The following MRPL13 variants were observed in gnomAD, a reference collection of about 807,000 sequenced individuals.
MRPL13 encodes large ribosomal subunit protein uL13m.
A neutral mutation model predicts 29.0 loss-of-function variants in MRPL13; 33 were observed. That is an observed-to-expected ratio of 1.14 (90% confidence interval 0.86 to 1.52). MRPL13 has a LOEUF of 1.52. Among genes scored for constraint, MRPL13 ranks in the 40% most tolerant of loss-of-function variants. The pLI, the probability that MRPL13 is intolerant of heterozygous loss-of-function variation, is 0.00. For missense variants in MRPL13, 227 were observed against 216.7 expected, an observed-to-expected ratio of 1.05 and a Z score of -0.30; for synonymous variants, 77 against 68.4, an observed-to-expected ratio of 1.13 and a Z score of -0.62.
At chr8:120,444,366 T>A (rs1055002788) in intron 1 of MRPL13, among the ~76,000 whole-genome samples, 14 of 152,238 alleles carry the variant, frequency 9.2e-5, no homozygotes, top group African/African-American at 2.9e-4. Flanking sequence ...TGAAACCTGG[T>A]TCAATCTCAG....
At chr8:120,441,320 C>T (rs1489832516) in intron 2 of MRPL13, among the ~76,000 whole-genome samples, 7 of 152,038 alleles carry the variant, frequency 4.6e-5, no homozygotes, top group Non-Finnish European at 1.0e-4. Flanking sequence ...ATTTGGGAGG[C>T]ATTAGCATAT....
intron 2 of MRPL13, among the ~76,000 whole-genome samples, chr8:120,435,013 T>C (rs13258079): frequency 0.54 from 81,345 of 151,998 alleles, 24,788 homozygotes; most frequent in Non-Finnish European, 0.67. Flanking sequence ...ATGTTTGAGA[T>C]ACTCAGATTC....
Position 120,444,952 on chromosome 8 carries a change from T to C in MRPL13, c.27+116A>G, listed in dbSNP as rs1209871779. ...TCTTGTGCTTTCCCAAGTCACCTCT[T>C]GGCCGAGGGTCTCGGCTTCCCTGCC... On this transcript the variant is annotated intron_variant, in intron 1 of 6. Coordinates refer to ENST00000306185, the MANE Select transcript of MRPL13 (RefSeq NM_014078.6). 2.2e-6 allele frequency: 3 copies of C among 1,395,340 alleles called. No homozygotes were observed. In the East Asian group the frequency reaches 6.9e-5, roughly 32 times the overall value. The allele number at this position is 1,395,340 out of a possible 1,614,324, so 86.4% of individuals were successfully genotyped here. A position where few individuals can be genotyped will look rare whatever the true frequency, so the allele number is the denominator to read the frequency against.
chr8:120,418,642 T>C (rs1183459752), intron 5 of MRPL13, among the ~76,000 whole-genome samples: 1 of 151,866 alleles, frequency 6.6e-6, no homozygotes, highest in Non-Finnish European at 1.5e-5. Flanking sequence ...ATACTTAAAA[T>C]ATCTACACTC....
intron 1 of MRPL13, among the ~76,000 whole-genome samples, chr8:120,444,407 C>T (rs1813173259): frequency 1.3e-5 from 2 of 152,112 alleles, no homozygotes; most frequent in Non-Finnish European, 2.9e-5. Context: ...GACACACCCT[C>T]CAGTTGGACA....
intron 1 of MRPL13, among the ~76,000 whole-genome samples, chr8:120,444,569 G>T (rs2130492922): frequency 6.6e-6 from 1 of 152,192 alleles, no homozygotes; most frequent in South Asian, 2.1e-4. Flanking sequence ...GCACCATCAC[G>T]TCTCGCCTGG....
chr8:120,436,682 A>G (rs904270427), intron 2 of MRPL13, among the ~76,000 whole-genome samples: 2 of 152,160 alleles, frequency 1.3e-5, no homozygotes, highest in African/African-American at 4.8e-5. Context: ...CAGGTGATTC[A>G]GTCTTAGGCT....
chr8:120,400,730 A>G (rs1371496855), intron 6 of MRPL13, among the ~76,000 whole-genome samples: 1 of 139,134 alleles, frequency 7.2e-6, no homozygotes, highest in African/African-American at 3.0e-5. Flanking sequence ...ATAAATAAAT[A>G]AATAAATAAA....
At chr8:120,440,810 T>C (rs1437831921) in intron 2 of MRPL13, among the ~76,000 whole-genome samples, 1 of 151,814 alleles carries the variant, frequency 6.6e-6, no homozygotes, top group Non-Finnish European at 1.5e-5. Flanking sequence ...AGAAATTTCA[T>C]TTGGAAAAGA....
chr8:120,410,399 GA>G (rs1812726737), intron 6 of MRPL13, among the ~76,000 whole-genome samples: 1 of 151,960 alleles, frequency 6.6e-6, no homozygotes, highest in South Asian at 2.1e-4. Flanking sequence ...TCCAAAAGGA[GA>G]AAAAAATTTT....
intron 3 of MRPL13, among the ~76,000 whole-genome samples, chr8:120,426,301 G>C (rs1443143122): frequency 6.6e-6 from 1 of 152,034 alleles, no homozygotes; most frequent in Non-Finnish European, 1.5e-5. Context: ...TTTTCCATAT[G>C]TTCCCTTCAA....
chr8:120,442,447 C>T (rs1376618830), intron 2 of MRPL13, among the ~76,000 whole-genome samples: 2 of 152,050 alleles, frequency 1.3e-5, no homozygotes, highest in Non-Finnish European at 2.9e-5. Flanking sequence ...ATTCATTTCA[C>T]CATTATAATT....
chr8:120,422,390 G>A (rs986772110), intron 4 of MRPL13, among the ~76,000 whole-genome samples: 6 of 151,286 alleles, frequency 4.0e-5, no homozygotes, highest in South Asian at 2.1e-4. Context: ...ATAGCTAAAA[G>A]AAAAAACAAC....
intron 5 of MRPL13, among the ~76,000 whole-genome samples, chr8:120,419,028 G>A (rs755188877): frequency 3.3e-5 from 5 of 152,098 alleles, no homozygotes; most frequent in African/African-American, 1.2e-4. Context: ...CCTTCAGAAG[G>A]AACAAGAAGG....
In MRPL13 at chr8:120,396,007, A is replaced by T; in HGVS notation, c.*97T>A. 1 of 1,008,354 alleles carries T rather than the reference A, an allele frequency of 9.9e-7. No homozygotes were observed. Among genetic ancestry groups the T allele is most frequent in the Non-Finnish European group, 1.5e-6 (1 of 668,608 alleles). The allele number at this position is 1,008,354 out of a possible 1,614,324, so 62.5% of individuals were successfully genotyped here. ...ATTCGGCACATAAAACAGGTGCTGA[A>T]CTGTAGCAGTTGTTTTACTCCATCC... On this transcript the variant is annotated 3_prime_UTR_variant, in exon 7 of 7. Coordinates refer to ENST00000306185, the MANE Select transcript of MRPL13 (RefSeq NM_014078.6).
chr8:120,408,457 G>A (rs1812702974), intron 6 of MRPL13, among the ~76,000 whole-genome samples: 1 of 152,162 alleles, frequency 6.6e-6, no homozygotes, highest in Non-Finnish European at 1.5e-5. Flanking sequence ...TGCCTAATTT[G>A]AGCAAAACCC....
At chr8:120,425,851 T>C (rs556495303) in intron 3 of MRPL13, among the ~76,000 whole-genome samples, 81 of 152,256 alleles carry the variant, frequency 5.3e-4, no homozygotes, top group Non-Finnish European at 8.7e-4. Flanking sequence ...CTCTAAGTGC[T>C]ACATATTGGC....
intron 2 of MRPL13, among the ~76,000 whole-genome samples, chr8:120,441,481 A>C (rs1813123228): frequency 6.6e-6 from 1 of 152,186 alleles, no homozygotes. Context: ...TAAGAAAGGG[A>C]GAAGAAACAG....
intron 6 of MRPL13, among the ~76,000 whole-genome samples, chr8:120,397,161 GATC>G (rs2130445746): frequency 6.6e-6 from 1 of 152,260 alleles, no homozygotes; most frequent in Admixed American, 6.5e-5. Flanking sequence ...GCAGCCTGTG[GATC>G]AGGAGATACC....
Sources: gnomAD v4.1 joint callset for allele counts (sites outside exome capture counted in the v4.1 genomes callset) on GRCh38, gnomAD v4.1.1 for gene constraint, MANE v1.5 for transcripts, NCBI Gene and HGNC (gene_info 2026-07-23, HGNC 2026-07-21) for gene names.